The following POLR3B variants were observed in gnomAD, a reference collection of about 807,000 sequenced individuals.
POLR3B encodes RNA polymerase III subunit B.
A neutral mutation model predicts 147.4 loss-of-function variants in POLR3B; 96 were observed. The ratio of observed to expected loss-of-function variants is 0.65; its 90% CI spans 0.55 to 0.77. The LOEUF is 0.77. POLR3B is among the 30% of genes least tolerant of loss of function. POLR3B has a pLI of 0.00. For missense variants in POLR3B, 1,036 were observed against 1,413.5 expected (o/e 0.73, Z 4.28); for synonymous variants, 461 against 485.9 (o/e 0.95, Z 0.67).
At chr12:106,382,814 T>C (rs1369429076) in intron 9 of POLR3B, among the ~76,000 whole-genome samples, 3 of 152,312 alleles carry the variant, frequency 2.0e-5, no homozygotes, top group Middle Eastern at 3.4e-3. Flanking sequence ...AAATGAGCAC[T>C]GACTTGAACT....
chr12:106,483,398 T>G (rs1463857032), intron 23 of POLR3B, among the ~76,000 whole-genome samples: 2 of 152,184 alleles, frequency 1.3e-5, no homozygotes, highest in Non-Finnish European at 2.9e-5. Flanking sequence ...TGTGGGGCAC[T>G]TTAGGGGATA....
chr12:106,382,785 T>G (rs1315670403), intron 9 of POLR3B, among the ~76,000 whole-genome samples: 1 of 152,186 alleles, frequency 6.6e-6, no homozygotes, highest in East Asian at 1.9e-4. Context: ...CTTAAGGGCC[T>G]TACGATTTTC....
At chr12:106,422,783 T>G (rs1028955747) in intron 12 of POLR3B, among the ~76,000 whole-genome samples, 12 of 152,210 alleles carry the variant, frequency 7.9e-5, no homozygotes, top group Admixed American at 7.2e-4. Flanking sequence ...TCTTGGCTAT[T>G]TCAGGGTCTT....
intron 9 of POLR3B, among the ~76,000 whole-genome samples, chr12:106,392,537 A>G (rs1211183801): frequency 2.6e-5 from 4 of 152,234 alleles, no homozygotes; most frequent in Non-Finnish European, 5.9e-5. Flanking sequence ...ATAGTGAGGT[A>G]AAACGTGTTT....
At chr12:106,392,948 C>T (rs770670270) in intron 9 of POLR3B, 83 bp from the exon 10 acceptor site, 5 of 1,576,352 alleles carry the variant, frequency 3.2e-6, no homozygotes, top group Non-Finnish European at 3.5e-6. Flanking sequence ...GTAATACCCA[C>T]AAACAATGCC....
chr12:106,482,551 G>A (rs1455202855), intron 23 of POLR3B, among the ~76,000 whole-genome samples: 1 of 152,130 alleles, frequency 6.6e-6, no homozygotes, highest in East Asian at 1.9e-4. Flanking sequence ...ACCAGTTCCT[G>A]TGAGAACTCA....
At chr12:106,371,864 C>T (rs1204767791) in intron 6 of POLR3B, among the ~76,000 whole-genome samples, 1 of 151,580 alleles carries the variant, frequency 6.6e-6, no homozygotes, top group East Asian at 2.0e-4. Context: ...GGGTGCAGCA[C>T]ACCAGCATGG....
rs890790104 is a variant in POLR3B, at chr12:106,498,894, C to G, written c.2984+1976C>G. 6.6e-5 allele frequency among the ~76,000 whole-genome samples: 10 copies of G among 152,156 alleles called. No homozygotes were observed. The East Asian group carries it at 7.7e-4, about 12-fold the overall frequency. On this transcript the variant is annotated intron_variant, in intron 25 of 27. Transcript: ENST00000228347. The stretch of plus-strand genomic sequence containing the variant: ...AGCCACCACGCCCTAAGGTTTTAAA[C>G]CACTTGAACACTAGTGAAACTCAGC...
chr12:106,418,657 C>T (rs1032598642), intron 12 of POLR3B, among the ~76,000 whole-genome samples: 1 of 152,150 alleles, frequency 6.6e-6, no homozygotes, highest in African/African-American at 2.4e-5. Context: ...ATATGATTTG[C>T]TCTTTACTCT....
intron 12 of POLR3B, among the ~76,000 whole-genome samples, chr12:106,413,439 G>T (rs987045882): frequency 6.6e-6 from 1 of 151,882 alleles, no homozygotes; most frequent in Non-Finnish European, 1.5e-5. Flanking sequence ...TCTGCCTCAG[G>T]TTCCCTGTCT....
intron 12 of POLR3B, among the ~76,000 whole-genome samples, chr12:106,421,618 G>A (rs1246661529): frequency 6.6e-6 from 1 of 151,676 alleles, no homozygotes; most frequent in African/African-American, 2.4e-5. Flanking sequence ...GGAGATTTTT[G>A]TATATTTTGC....
At chr12:106,358,114 G>A (rs2036414562) in intron 1 of POLR3B, 163 bp downstream of exon 1, 1 of 1,494,418 alleles carries the variant, frequency 6.7e-7, no homozygotes, top group Non-Finnish European at 8.9e-7. Flanking sequence ...TTTTTCCAGA[G>A]CCGGCCTCCG....
At chr12:106,508,001 A>T (rs566736381) in intron 27 of POLR3B, among the ~76,000 whole-genome samples, 1 of 152,138 alleles carries the variant, frequency 6.6e-6, no homozygotes, top group Non-Finnish European at 1.5e-5. Context: ...ACACACAAAA[A>T]ACTTAAAATT....
At chr12:106,390,966 G>A in intron 9 of POLR3B, among the ~76,000 whole-genome samples, 1 of 152,270 alleles carries the variant, frequency 6.6e-6, no homozygotes, top group Non-Finnish European at 1.5e-5. Context: ...CTTAAGCCCA[G>A]GAGCCTGAGG....
At chr12:106,422,304 T>C (rs111552152) in intron 12 of POLR3B, among the ~76,000 whole-genome samples, 3,211 of 152,280 alleles carry the variant, frequency 0.021, 101 homozygotes, top group African/African-American at 0.073. Context: ...GCTCTGGCCA[T>C]ATAAGACATG....
At chr12:106,380,660 G>T (rs2036750724) in intron 9 of POLR3B, among the ~76,000 whole-genome samples, 1 of 152,064 alleles carries the variant, frequency 6.6e-6, no homozygotes, top group Non-Finnish European at 1.5e-5. Context: ...GAGATGGGAG[G>T]ATCACACAAG....
At chr12:106,391,949 T>C (rs887224083) in intron 9 of POLR3B, among the ~76,000 whole-genome samples, 6 of 152,138 alleles carry the variant, frequency 3.9e-5, no homozygotes, top group African/African-American at 1.4e-4. Context: ...ACATAACTTT[T>C]CCCCTCACTT....
At chr12:106,371,845 C>T (rs1048380351) in intron 6 of POLR3B, among the ~76,000 whole-genome samples, 5 of 150,604 alleles carry the variant, frequency 3.3e-5, no homozygotes, top group East Asian at 3.9e-4. Context: ...TGCTAAATGA[C>T]GAGTTAATGG....
At chr12:106,446,405 C>G in intron 19 of POLR3B, 1 of 257,942 alleles carries the variant, frequency 3.9e-6, no homozygotes, top group Non-Finnish European at 7.4e-6. Flanking sequence ...ATTTTTATAA[C>G]TCCTCTCCCC....
Sources: allele counts gnomAD v4.1 joint callset (sites outside exome capture counted in the v4.1 genomes callset), GRCh38; gene constraint gnomAD v4.1.1; transcripts MANE v1.5; gene names NCBI Gene and HGNC (gene_info 2026-07-23, HGNC 2026-07-21).